NRG3: variants seen among roughly 807,000 people sequenced by gnomAD.
NRG3 encodes neuregulin 3.
NRG3 carries 31 observed loss-of-function variants against 66.9 expected under a neutral mutation model. The ratio of observed to expected loss-of-function variants is 0.46; its 90% CI spans 0.35 to 0.63. NRG3 has a LOEUF of 0.63. NRG3 is among the 20% of genes least tolerant of loss of function. The pLI is 0.00. For synonymous variants in NRG3, 393 were observed against 359.4 expected (o/e 1.09, Z -1.06); for missense variants, 910 against 878.9 (o/e 1.04, Z -0.45).
chr10:82,771,916 A>T (rs2059726676), intron 3 of NRG3, among the ~76,000 whole-genome samples: 2 of 151,912 alleles, frequency 1.3e-5, no homozygotes, highest in Admixed American at 1.3e-4. Context: ...CTTACTTAAC[A>T]CTCATATTCA....
intron 1 of NRG3, among the ~76,000 whole-genome samples, chr10:82,016,370 G>A (rs2061787311): frequency 6.6e-6 from 1 of 151,992 alleles, no homozygotes; most frequent in Non-Finnish European, 1.5e-5. Flanking sequence ...CAAGGAGGTT[G>A]CAAACAGAAC....
intron 2 of NRG3, among the ~76,000 whole-genome samples, chr10:82,680,141 T>C (rs964076887): frequency 2.6e-5 from 4 of 152,190 alleles, no homozygotes; most frequent in Non-Finnish European, 5.9e-5. Flanking sequence ...ATATAACTGT[T>C]AATACCACCC....
intron 1 of NRG3, among the ~76,000 whole-genome samples, chr10:82,059,752 A>G: frequency 6.6e-6 from 1 of 151,988 alleles, no homozygotes. Context: ...TTCGCTTTCC[A>G]TACTTGTGGC....
At chr10:81,907,396 A>G (rs184898370) in intron 1 of NRG3, among the ~76,000 whole-genome samples, 6 of 152,282 alleles carry the variant, frequency 3.9e-5, no homozygotes, top group East Asian at 1.9e-4. Flanking sequence ...TATAGTGGCA[A>G]TTTCTCTGAT....
intron 2 of NRG3, among the ~76,000 whole-genome samples, chr10:82,530,601 T>C (rs1029033030): frequency 6.6e-6 from 1 of 151,938 alleles, no homozygotes; most frequent in Non-Finnish European, 1.5e-5. Flanking sequence ...GTTGGGAAAT[T>C]TTAATAAAAT....
intron 3 of NRG3, among the ~76,000 whole-genome samples, chr10:82,742,546 C>T (rs1012653973): frequency 6.6e-6 from 1 of 152,066 alleles, no homozygotes; most frequent in Non-Finnish European, 1.5e-5. Flanking sequence ...ATTCAATGTA[C>T]CACAAGTCGC....
intron 3 of NRG3, among the ~76,000 whole-genome samples, chr10:82,798,665 A>T (rs769547760): frequency 2.0e-5 from 3 of 152,204 alleles, no homozygotes; most frequent in Non-Finnish European, 4.4e-5. Flanking sequence ...AACTACAATC[A>T]CTTGTAAAGA....
chr10:82,016,116 A>T (rs1372454492), intron 1 of NRG3, among the ~76,000 whole-genome samples: 1 of 151,850 alleles, frequency 6.6e-6, no homozygotes, highest in East Asian at 1.9e-4. Context: ...TTGCTTGGTC[A>T]TTGACTCAGT....
intron 1 of NRG3, among the ~76,000 whole-genome samples, chr10:82,208,829 G>A (rs936214525): frequency 1.3e-5 from 2 of 152,074 alleles, no homozygotes; most frequent in African/African-American, 4.8e-5. Flanking sequence ...CAAGCTGTTG[G>A]TGTAATATAA....
chr10:82,185,716 T>A (rs1012667801), intron 1 of NRG3, among the ~76,000 whole-genome samples: 2 of 152,204 alleles, frequency 1.3e-5, no homozygotes, highest in Non-Finnish European at 2.9e-5. Flanking sequence ...GTGGACAAGC[T>A]GGTTGTCTCA....
At chr10:82,361,103 A>G (rs575587801) in intron 2 of NRG3, among the ~76,000 whole-genome samples, 60 of 152,346 alleles carry the variant, frequency 3.9e-4, no homozygotes, top group African/African-American at 1.3e-3. Context: ...GTCCATAACA[A>G]TGAGTCTCAT....
chr10:82,346,665 G>T (rs988996453), intron 1 of NRG3, among the ~76,000 whole-genome samples: 5,530 of 150,356 alleles, frequency 0.037, 155 homozygotes, highest in African/African-American at 0.084. Context: ...TGTACCTCTG[G>T]TAGAATTCGG....
chr10:82,110,979 A>C (rs143593829), intron 1 of NRG3, among the ~76,000 whole-genome samples: 105 of 152,340 alleles, frequency 6.9e-4, no homozygotes, highest in African/African-American at 2.4e-3. Context: ...AGATGTTACC[A>C]AAGAGGATTA....
At chr10:82,908,056 A>C (rs919991046) in intron 4 of NRG3, among the ~76,000 whole-genome samples, 2 of 152,174 alleles carry the variant, frequency 1.3e-5, no homozygotes, top group African/African-American at 4.8e-5. Flanking sequence ...CCTGGTTTGG[A>C]GTAGCTTCTC....
intron 6 of NRG3, among the ~76,000 whole-genome samples, chr10:82,973,259 A>C (rs1369422261): frequency 6.6e-6 from 1 of 152,214 alleles, no homozygotes; most frequent in Non-Finnish European, 1.5e-5. Context: ...AAGGAGTGAA[A>C]TGCTCACAAA....
At chr10:82,214,215 A>G (rs772072591) in intron 1 of NRG3, among the ~76,000 whole-genome samples, 50 of 152,130 alleles carry the variant, frequency 3.3e-4, no homozygotes, top group Non-Finnish European at 5.3e-4. Flanking sequence ...GGATTTCTTT[A>G]TCTTGAGTTT....
At chr10:82,640,225 C>T (rs2050476274) in intron 2 of NRG3, among the ~76,000 whole-genome samples, 1 of 152,126 alleles carries the variant, frequency 6.6e-6, no homozygotes, top group African/African-American at 2.4e-5. Context: ...TTCATTGCAG[C>T]ACTATTCACA....
At chr10:82,756,064 G>A (rs342393) in intron 3 of NRG3, among the ~76,000 whole-genome samples, 92,730 of 151,496 alleles carry the variant, frequency 0.61, 31,265 homozygotes, top group Non-Finnish European at 0.75. Flanking sequence ...AAAACGTACC[G>A]TTTGTTTTCC....
At chr10:82,404,422 C>T (rs1384951331) in intron 2 of NRG3, among the ~76,000 whole-genome samples, 1 of 152,100 alleles carries the variant, frequency 6.6e-6, no homozygotes, top group Non-Finnish European at 1.5e-5. Context: ...CTATTATTAT[C>T]CAATTTTACA....
Sources: gnomAD v4.1 joint callset for allele counts (sites outside exome capture counted in the v4.1 genomes callset) on GRCh38, gnomAD v4.1.1 for gene constraint, MANE v1.5 for transcripts, NCBI Gene and HGNC (gene_info 2026-07-23, HGNC 2026-07-21) for gene names.